SCN1A: variants seen among roughly 807,000 people sequenced by gnomAD.
SCN1A encodes sodium channel protein type 1 subunit alpha.
Under a neutral mutation model 193.7 loss-of-function variants are expected in SCN1A, and 13 were observed. The ratio of observed to expected loss-of-function variants is 0.07; its 90% CI spans 0.04 to 0.11. The LOEUF is 0.11. Among genes scored for constraint, SCN1A ranks in the 10% least tolerant of loss-of-function variants. SCN1A has a pLI of 1.00. For missense variants in SCN1A, 1,432 were observed against 2,451.1 expected, an observed-to-expected ratio of 0.58 and a Z score of 8.78; for synonymous variants, 781 against 843.6, an observed-to-expected ratio of 0.93 and a Z score of 1.29.
chr2:166,048,302 G>A (rs1698092702), intron 10 of SCN1A, among the ~76,000 whole-genome samples: 1 of 151,806 alleles, frequency 6.6e-6, no homozygotes, highest in South Asian at 2.1e-4. Flanking sequence ...TCATCACTGA[G>A]GTATTAAGCC....
At chr2:166,111,927 C>A (rs1003189862) in intron 2 of SCN1A, among the ~76,000 whole-genome samples, 2 of 152,038 alleles carry the variant, frequency 1.3e-5, no homozygotes, top group Non-Finnish European at 2.9e-5. Flanking sequence ...CATGATAAAA[C>A]CTTAAGAGAG....
chr2:166,142,342 T>A (rs966147973), intron 1 of SCN1A, among the ~76,000 whole-genome samples: 2 of 152,224 alleles, frequency 1.3e-5, no homozygotes, highest in African/African-American at 4.8e-5. Context: ...TGTGTCTTTA[T>A]AATTGGGTTG....
rs1217885566 is a variant in SCN1A, at chr2:166,056,413, T to C, written c.471A>G (p.Val157=). The C allele has an allele frequency of 3.2e-6, 5 of 1,566,446 alleles. No homozygotes were observed. Among genetic ancestry groups the C allele is most frequent in the Non-Finnish European group, 4.4e-6 (5 of 1,137,182 alleles). The change falls in exon 6 of 29, where the codon GTA becomes GTG. Residue 157 remains valine (V), a splice_region_variant and synonymous_variant. Transcript: ENST00000674923. The part of the protein sequence containing the change: ...MSNPPDWTKN[V]EYTFTGIYTF... ...TTAAAAATATAAGTTGAACTTACTC[T>C]ACATTCTTTGTCCAATCAGGAGGGT...
intron 15 of SCN1A, 21 bp from the exon 16 acceptor site, chr2:166,041,490 A>AG: frequency 6.9e-7 from 1 of 1,444,164 alleles, no homozygotes; most frequent in Non-Finnish European, 9.6e-7. Flanking sequence ...AAAAAAAAAA[A>AG]AAAGAACCAC....
rs528239871 is a variant in SCN1A at position 165,992,051 on chromosome 2, C to T, written c.5224G>A (p.Asp1742Asn). ...CTTCCAGGGTTAACTTTATTAGGGTCACAGTCGGGTGGCTTACTGTTGAGA... is the reference window on the plus strand; with the variant it reads ...CTTCCAGGGTTAACTTTATTAGGGTTACAGTCGGGTGGCTTACTGTTGAGA... ...PILNSKPPDC[D>N]PNKVNPGSSV... The change falls in exon 29 of 29, where the codon GAC (aspartate) becomes AAC (asparagine). Residue 1742 changes from aspartate to asparagine, a missense_variant. Asp to Asn is a conservative substitution (Grantham distance 23, BLOSUM62 1). This residue lies in a region of SCN1A where 85 missense variants were observed against 213.2 expected (regional missense o/e 0.40). Transcript: ENST00000674923. The surrounding 1 kb of genome is among the most constrained non-coding windows in gnomAD (Gnocchi z 6.5). 7 of 1,613,986 alleles carry T rather than the reference C, an allele frequency of 4.3e-6. No homozygotes were observed. In the South Asian group the frequency reaches 6.6e-5, roughly 15 times the overall value.
intron 19 of SCN1A, among the ~76,000 whole-genome samples, chr2:166,034,257 C>A (rs1339910329): frequency 6.6e-6 from 1 of 152,138 alleles, no homozygotes; most frequent in Non-Finnish European, 1.5e-5. Flanking sequence ...AGGGTCAGGG[C>A]AGCTGCTTCC....
rs1248613652 is a variant in SCN1A, at chr2:166,036,236, C to T, written c.3241G>A (p.Gly1081Arg). 2.5e-6 allele frequency: 4 copies of T among 1,613,662 alleles called. No homozygotes were observed. In the Admixed American group the frequency reaches 5.0e-5, roughly 20 times the overall value. Residue 1081 changes from glycine to arginine, a missense_variant, in exon 19 of 29, where the codon GGA (glycine) becomes AGA (arginine). Gly to Arg is a moderately radical substitution (Grantham distance 125, BLOSUM62 -2). This residue lies in a region of SCN1A where 198 missense variants were observed against 225.8 expected (regional missense o/e 0.88). Coordinates refer to ENST00000674923, the MANE Select transcript of SCN1A (RefSeq NM_001165963.4). ...KDLDYLKDVNGTTSGIGTGSS... is the reference protein window; with the variant it reads ...KDLDYLKDVNRTTSGIGTGSS... Reference sequence around the variant, plus strand: ...CCAGTTCCTATACCACTTGTAGTTCCATTTACATCTTTAAGATAGTCAAGA... The same window carrying T: ...CCAGTTCCTATACCACTTGTAGTTCTATTTACATCTTTAAGATAGTCAAGA...
At chr2:166,023,360 A>C (rs142444919) in intron 19 of SCN1A, among the ~76,000 whole-genome samples, 91 of 152,370 alleles carry the variant, frequency 6.0e-4, no homozygotes, top group African/African-American at 2.1e-3. Flanking sequence ...TAGTGGAAAG[A>C]AAGCCACCAA....
chr2:166,132,281 T>C (rs917377134), upstream of SCN1A, among the ~76,000 whole-genome samples: 3 of 152,144 alleles, frequency 2.0e-5, no homozygotes, highest in East Asian at 5.8e-4. Flanking sequence ...CCCCTTTTGA[T>C]TGGAATAATC....
chr2:166,119,486 T>C (rs1458243161), intron 2 of SCN1A, among the ~76,000 whole-genome samples: 1 of 152,162 alleles, frequency 6.6e-6, no homozygotes, highest in Non-Finnish European at 1.5e-5. Flanking sequence ...TCTTCAGTAT[T>C]CTCAAATGTT....
At chr2:166,072,789 T>TTTCCTTCC (rs3032639) in intron 4 of SCN1A, among the ~76,000 whole-genome samples, 28,489 of 144,416 alleles carry the variant, frequency 0.2, 3,078 homozygotes, top group East Asian at 0.33. Context: ...TGCCTCTTTC[T>TTTCCTTCC]TTCCTTCCTT....
At chr2:166,097,686 A>T (rs1463466742) in intron 2 of SCN1A, among the ~76,000 whole-genome samples, 1 of 152,146 alleles carries the variant, frequency 6.6e-6, no homozygotes, top group Non-Finnish European at 1.5e-5. Context: ...GGCTCAAGTG[A>T]TCCCTTCCTC....
chr2:166,058,639 G>T lies in SCN1A; in HGVS notation c.314C>A (p.Thr105Asn), dbSNP rs796053089. The T allele has an allele frequency of 1.6e-5, 26 of 1,612,470 alleles. No individual in the cohort carries two copies. Among genetic ancestry groups the T allele is most frequent in the Non-Finnish European group, 2.2e-5 (26 of 1,178,838 alleles). Reference protein sequence around the residue: ...KGKAIFRFSATSALYILTPFN... With the variant: ...KGKAIFRFSANSALYILTPFN... ...GGGAGTTAAAATGTACAGGGCAGAG[G>T]TGGCACTGAACCGGAAGATGGCCTT... The change falls in exon 5 of 29, where the codon ACC becomes AAC. Residue 105 changes from threonine to asparagine, a missense_variant. Thr to Asn is a moderately conservative substitution (Grantham distance 65, BLOSUM62 0). Transcript: ENST00000674923.
chr2:166,058,738 ACT>A, intron 4 of SCN1A, 50 bp from the exon 5 acceptor site: 1 of 991,566 alleles, frequency 1.0e-6, no homozygotes, highest in South Asian at 1.3e-5. Flanking sequence ...AACCACTTAA[ACT>A]CTGTTATCTA....
intron 4 of SCN1A, among the ~76,000 whole-genome samples, chr2:166,061,808 C>T (rs905156182): frequency 2.0e-5 from 3 of 151,998 alleles, no homozygotes; most frequent in Admixed American, 6.6e-5. Flanking sequence ...ATCTAAAAGT[C>T]CTTTGACATA....
chr2:166,073,714 G>C, intron 3 of SCN1A, 44 bp from the exon 4 acceptor site: 1 of 1,305,384 alleles, frequency 7.7e-7, no homozygotes, highest in Admixed American at 2.0e-5. Context: ...TGGACTAAGA[G>C]ATGTTAATAT....
intron 28 of SCN1A, chr2:165,993,932 A>G (rs1559109352): frequency 1.7e-6 from 1 of 583,060 alleles, no homozygotes. Context: ...TACTACATTT[A>G]CACTAAGTAT....
chr2:166,103,357 A>G (rs1159225657), intron 2 of SCN1A, among the ~76,000 whole-genome samples: 13 of 152,036 alleles, frequency 8.6e-5, no homozygotes, highest in Admixed American at 7.2e-4. Context: ...AGACTGAGGC[A>G]GGAGAATCAC....
intron 13 of SCN1A, 132 bp downstream of exon 13, chr2:166,044,911 G>A: frequency 1.0e-6 from 1 of 955,902 alleles, no homozygotes; most frequent in African/African-American, 1.6e-5. Flanking sequence ...TGTGAAGAAG[G>A]GATGGGTTTA....
Sources: allele counts gnomAD v4.1 joint callset (sites outside exome capture counted in the v4.1 genomes callset), GRCh38; gene constraint gnomAD v4.1.1; regional missense constraint gnomAD v4.1.1; non-coding constraint Gnocchi (gnomAD v3.1); transcripts MANE v1.5; gene names NCBI Gene and HGNC (gene_info 2026-07-23, HGNC 2026-07-21).